APOBEC3G: variants seen among roughly 807,000 people sequenced by gnomAD.
APOBEC3G encodes DNA dC->dU-editing enzyme APOBEC-3G.
Under a neutral mutation model 50.0 loss-of-function variants are expected in APOBEC3G, and 44 were observed. That is an observed-to-expected ratio of 0.88 (90% confidence interval 0.69 to 1.13). The LOEUF (loss-of-function observed/expected upper bound fraction) is 1.13. Among genes scored for constraint, APOBEC3G ranks in the 50% most tolerant of loss-of-function variants. APOBEC3G has a pLI of 0.00. For missense variants in APOBEC3G, 469 were observed against 492.0 expected (o/e 0.95, Z 0.44); for synonymous variants, 156 against 175.3 (o/e 0.89, Z 0.87).
intron 1 of APOBEC3G, chr22:39,078,417 G>A (rs1395534232): frequency 1.3e-5 from 2 of 154,340 alleles, no homozygotes; most frequent in African/African-American, 2.4e-5. Flanking sequence ...GACTGGACAG[G>A]GCTGGCCTGG....
chr22:39,077,967 T>C (rs1928234581), intron 1 of APOBEC3G, among the ~76,000 whole-genome samples: 1 of 152,060 alleles, frequency 6.6e-6, no homozygotes. Flanking sequence ...ACCAGTAACA[T>C]GGAATATAGT....
intron 5 of APOBEC3G, among the ~76,000 whole-genome samples, chr22:39,084,661 G>T (rs1928618238): frequency 6.6e-6 from 1 of 152,194 alleles, no homozygotes; most frequent in African/African-American, 2.4e-5. Flanking sequence ...GGATTCCCCA[G>T]TGCCTGCTCC....
At chr22:39,080,763 C>G (rs1175106691) in intron 2 of APOBEC3G, 170 bp from the exon 3 acceptor site, 3 of 651,662 alleles carry the variant, frequency 4.6e-6, no homozygotes, top group Non-Finnish European at 7.9e-6. Context: ...TAATACTGAA[C>G]ATGAGCTTTG....
At chr22:39,083,909 C>T (rs758673416) in intron 5 of APOBEC3G, 25 bp downstream of exon 5, 3 of 1,606,746 alleles carry the variant, frequency 1.9e-6, no homozygotes, top group Middle Eastern at 3.6e-4. Context: ...CACCCGCATC[C>T]AGGCAGGGCC....
At position 39,081,067 on chromosome 22, in the gene APOBEC3G, G is replaced by A. The variant is rs1296521235; in HGVS notation, c.306G>A (p.Arg102=). Residue 102 remains arginine (R), a synonymous_variant, in exon 3 of 8, where the codon AGG becomes AGA. Coordinates refer to ENST00000407997, the MANE Select transcript of APOBEC3G (RefSeq NM_021822.4). ...GGAGCCCCTGCACAAAGTGTACAAGGGATATGGCCACGTTCCTGGCCGAGG... is the reference window on the plus strand; with the variant it reads ...GGAGCCCCTGCACAAAGTGTACAAGAGATATGGCCACGTTCCTGGCCGAGG... ...ISWSPCTKCT[R]DMATFLAEDP... 3 of 1,614,100 alleles carry A rather than the reference G, an allele frequency of 1.9e-6. No homozygotes were observed. The highest frequency in any genetic ancestry group is 2.2e-5 in the South Asian group (2 of 91,084).
chr22:39,086,301 T>C lies in APOBEC3G; in HGVS notation c.758T>C (p.Leu253Pro). The change falls in exon 6 of 8, where the codon CTT becomes CCT. Residue 253 changes from leucine (L) to proline (P), a missense_variant. Transcript: ENST00000407997. ...CNQAPHKHGF[L>P]EGRHAELCFL... is the part of the protein sequence containing the mutation. ...TAGGCTCCACATAAACACGGTTTCC[T>C]TGAAGGCCGCCATGCAGAGCTGTGC... 1 of 1,591,010 alleles carries C rather than the reference T, an allele frequency of 6.3e-7. No individual in the cohort carries two copies. Among genetic ancestry groups the C allele is most frequent in the Non-Finnish European group, 8.6e-7 (1 of 1,166,674 alleles).
upstream of APOBEC3G, chr22:39,077,207 T>C: frequency 1.5e-6 from 2 of 1,338,924 alleles, no homozygotes; most frequent in Non-Finnish European, 2.1e-6. Flanking sequence ...CAGGGCCTCC[T>C]ACACCAGCGC....
At chr22:39,086,605 G>C in intron 6 of APOBEC3G, 38 bp downstream of exon 6, 1 of 1,547,930 alleles carries the variant, frequency 6.5e-7, no homozygotes, top group Non-Finnish European at 8.7e-7. Flanking sequence ...GGGTCAGCCA[G>C]GGCAGGAGAG....
intron 5 of APOBEC3G, among the ~76,000 whole-genome samples, chr22:39,084,193 C>G (rs1213152115): frequency 6.6e-6 from 1 of 152,118 alleles, no homozygotes; most frequent in African/African-American, 2.4e-5. Flanking sequence ...AGGGTCAGGG[C>G]AGAGGAAAAG....
rs1168306534 is a variant in APOBEC3G, at chr22:39,083,806, C to A, written c.657C>A (p.Tyr219Ter). 6.2e-7 allele frequency: 1 copy of A among 1,614,064 alleles called. No homozygotes were observed. Among genetic ancestry groups the A allele is most frequent in the South Asian group, 1.1e-5 (1 of 91,084 alleles). The change falls in exon 5 of 8, where the codon TAC becomes TAA. Residue 219 changes from tyrosine (Y) to a stop codon, truncating the protein, a stop_gained. Coordinates refer to ENST00000407997, the MANE Select transcript of APOBEC3G (RefSeq NM_021822.4). LOFTEE classifies it high-confidence loss of function. ...EPWVRGRHETYLCYEVERMHN... is the reference protein window; with the variant it reads ...EPWVRGRHET ...GGGTCAGAGGACGGCATGAGACTTA[C>A]CTGTGTTATGAGGTGGAGCGCATGC...
chr22:39,081,379 T>A, intron 3 of APOBEC3G, 92 bp from the exon 4 acceptor site: 2 of 1,526,188 alleles, frequency 1.3e-6, no homozygotes, highest in Non-Finnish European at 9.0e-7. Flanking sequence ...TGACTGTAAC[T>A]AGTATCTAGA....
At chr22:39,086,821 T>G (rs1336467335) in intron 6 of APOBEC3G, among the ~76,000 whole-genome samples, 190 bp from the exon 7 acceptor site, 3 of 151,526 alleles carry the variant, frequency 2.0e-5, no homozygotes, top group Admixed American at 2.0e-4. Context: ...CCAGAAAAAA[T>G]GAGAACTGGG....
Position 39,087,209 on chromosome 22 carries a change from C to T in APOBEC3G, c.1140+83C>T, listed in dbSNP as rs993057196. 4 of 1,607,528 alleles carry T rather than the reference C, an allele frequency of 2.5e-6. No individual in the cohort carries two copies. In the African/African-American group the frequency reaches 5.3e-5, roughly 21 times the overall value. ...CCTGCGCCGTGCCTTCCCCTCTGCT[C>T]AGAGCCTCCTCTGGGTTCCCTGCTC... On this transcript the variant is annotated intron_variant, in intron 7 of 7. Coordinates refer to ENST00000407997, the MANE Select transcript of APOBEC3G (RefSeq NM_021822.4).
intron 1 of APOBEC3G, chr22:39,078,515 A>C: frequency 6.1e-6 from 1 of 164,630 alleles, no homozygotes; most frequent in Admixed American, 6.0e-5. Context: ...CCTCTGTAAG[A>C]CGGGAATGGC....
At chr22:39,087,322 C>A in intron 7 of APOBEC3G, 85 bp from the exon 8 acceptor site, 2 of 1,605,478 alleles carry the variant, frequency 1.2e-6, no homozygotes, top group Admixed American at 3.3e-5. Context: ...CCTCTCCGAT[C>A]ATTGTCACTG....
At position 39,080,951 on chromosome 22, in the gene APOBEC3G, T is replaced by C; in HGVS notation, c.190T>C (p.Tyr64His). Residue 64 changes from tyrosine (Y) to histidine (H), a missense_variant, in exon 3 of 8, where the codon TAC becomes CAC. Transcript: ENST00000407997. ...CTCCCAGGTGTATTCCGAACTTAAG[T>C]ACCACCCAGAGATGAGATTCTTCCA... The part of the protein sequence containing the change: ...FRGQVYSELK[Y>H]HPEMRFFHWF... 1 of 1,613,496 alleles carries C rather than the reference T, an allele frequency of 6.2e-7. No homozygotes were observed. The highest frequency in any genetic ancestry group is 8.5e-7 in the Non-Finnish European group (1 of 1,179,762).
Position 39,083,880 on chromosome 22 carries a change from A to C in APOBEC3G, c.731A>C (p.Asn244Thr). The change falls in exon 5 of 8, where the codon AAC (asparagine) becomes ACC (threonine). Residue 244 changes from asparagine to threonine, a missense_variant. Asn to Thr is a moderately conservative substitution (Grantham distance 65). Coordinates refer to ENST00000407997, the MANE Select transcript of APOBEC3G (RefSeq NM_021822.4). ...AACCAGCGCAGGGGCTTTCTATGCAACCAGGTGACCAACCCAGCCACCCGC... is the reference window on the plus strand; with the variant it reads ...AACCAGCGCAGGGGCTTTCTATGCACCCAGGTGACCAACCCAGCCACCCGC... The part of the protein sequence containing the change: ...LLNQRRGFLC[N>T]QAPHKHGFLE... The C allele has an allele frequency of 6.2e-7, 1 of 1,612,730 alleles. No homozygotes were observed. The highest frequency in any genetic ancestry group is 8.5e-7 in the Non-Finnish European group (1 of 1,179,166).
rs960080229 is a variant in APOBEC3G at position 39,079,052 on chromosome 22, G to A, written c.138G>A (p.Arg46=). 1 of 1,614,164 alleles carries A rather than the reference G, an allele frequency of 6.2e-7. No homozygotes were observed. The highest frequency in any genetic ancestry group is 1.1e-5 in the South Asian group (1 of 91,076). Residue 46 remains arginine, a synonymous_variant, in exon 2 of 8, where the codon AGG becomes AGA. Coordinates refer to ENST00000407997, the MANE Select transcript of APOBEC3G (RefSeq NM_021822.4). ...CYEVKTKGPS[R]PPLDAKIFRG... ...AAGTGAAAACAAAGGGTCCCTCAAG[G>A]CCCCCTTTGGACGCAAAGATCTTTC...
At chr22:39,078,362 A>G (rs1300457426) in intron 1 of APOBEC3G, 2 of 152,358 alleles carry the variant, frequency 1.3e-5, no homozygotes, top group East Asian at 1.9e-4. Context: ...GTAAGAAGAG[A>G]GCCCGGTCCC....
Sources: gnomAD v4.1 joint callset for allele counts (sites outside exome capture counted in the v4.1 genomes callset) on GRCh38, gnomAD v4.1.1 for gene constraint, MANE v1.5 for transcripts, NCBI Gene and HGNC (gene_info 2026-07-23, HGNC 2026-07-21) for gene names.